ZNF462: variants seen among roughly 807,000 people sequenced by gnomAD.
ZNF462 encodes the protein zinc finger protein 462.
A neutral mutation model predicts 201.9 loss-of-function variants in ZNF462; 10 were observed. That is an observed-to-expected ratio of 0.05 (90% CI 0.03 to 0.08). The LOEUF (loss-of-function observed/expected upper bound fraction) is 0.08. ZNF462 is among the 10% of genes least tolerant of loss of function. ZNF462 has a pLI of 1.00. For synonymous variants in ZNF462, 1,227 were observed against 1,193.3 expected, an observed-to-expected ratio of 1.03 and a Z score of -0.58; for missense variants, 2,523 against 3,168.3, an observed-to-expected ratio of 0.80 and a Z score of 4.89.
At chr9:106,860,497 C>T (rs566547634), upstream of ZNF462, among the ~76,000 whole-genome samples, 1 of 152,184 alleles carries the variant, frequency 6.6e-6, no homozygotes, top group Admixed American at 6.5e-5. This position sits in a 1 kb window ranked among gnomAD's most constrained non-coding sequence, Gnocchi z 7.1. Context: ...TACGTCCCTG[C>T]CCCCAGGGAA....
chr9:106,958,949 G>A (rs1831705454), intron 7 of ZNF462, among the ~76,000 whole-genome samples: 1 of 152,108 alleles, frequency 6.6e-6, no homozygotes, highest in South Asian at 2.1e-4. Context: ...AGGTAATCTT[G>A]AAGAATATTG....
In ZNF462 at chr9:107,009,022, T is replaced by A. The variant is rs1385288149; in HGVS notation, c.7190-523T>A. Among the ~76,000 whole-genome samples the A allele has an allele frequency of 6.6e-6, 1 of 152,194 alleles. No individual in the cohort carries two copies. The highest frequency in any genetic ancestry group is 6.5e-5 in the Admixed American group (1 of 15,276). ...AAGGTATTGATTATAATGTCTATGA[T>A]GGATGACCACAAGTCATGAGCCTTC... On this transcript the variant is annotated intron_variant, in intron 11 of 12. Transcript: ENST00000277225. The surrounding 1 kb of genome is among the most constrained non-coding windows in gnomAD (Gnocchi z 6.1).
chr9:107,000,683 A>G (rs1261819945), intron 10 of ZNF462, among the ~76,000 whole-genome samples: 1 of 152,202 alleles, frequency 6.6e-6, no homozygotes, highest in Non-Finnish European at 1.5e-5. Flanking sequence ...TTAGCCTGGG[A>G]TGAACATCAT....
chr9:106,918,801 T>TG (rs1399497386), intron 1 of ZNF462, among the ~76,000 whole-genome samples: 1 of 152,214 alleles, frequency 6.6e-6, no homozygotes, highest in African/African-American at 2.4e-5. Flanking sequence ...TATTCCAGAA[T>TG]TTATGTATTC....
chr9:106,960,795 A>G (rs892218123), intron 7 of ZNF462, among the ~76,000 whole-genome samples: 1 of 152,154 alleles, frequency 6.6e-6, no homozygotes. Context: ...GTGGCAGAAA[A>G]AACAAACACA....
chr9:106,869,642 C>G (rs780855600), intron 1 of ZNF462, among the ~76,000 whole-genome samples: 16 of 152,196 alleles, frequency 1.1e-4, no homozygotes, highest in Non-Finnish European at 1.3e-4. Context: ...ACAGTTGAAC[C>G]TCAGTGTGGC....
intron 7 of ZNF462, among the ~76,000 whole-genome samples, chr9:106,948,412 TG>T (rs1347653944): frequency 6.6e-6 from 1 of 152,192 alleles, no homozygotes; most frequent in Non-Finnish European, 1.5e-5. Context: ...ACAAGGAATG[TG>T]CAATGAAATC....
At chr9:106,957,499 G>A (rs1373114880) in intron 7 of ZNF462, among the ~76,000 whole-genome samples, 1 of 152,100 alleles carries the variant, frequency 6.6e-6, no homozygotes, top group African/African-American at 2.4e-5. Flanking sequence ...TGGAAAAATG[G>A]TGTCAATAGA....
chr9:106,959,277 C>G (rs1487551940), intron 7 of ZNF462, among the ~76,000 whole-genome samples: 1 of 152,084 alleles, frequency 6.6e-6, no homozygotes, highest in East Asian at 1.9e-4. Context: ...AGCCTCCAAG[C>G]AGCTACTATG....
chr9:106,989,787 A>C (rs779581579), intron 10 of ZNF462, among the ~76,000 whole-genome samples: 1 of 152,076 alleles, frequency 6.6e-6, no homozygotes, highest in Non-Finnish European at 1.5e-5. Flanking sequence ...TTTTTCCAGG[A>C]ATTTATCCAT....
chr9:106,926,338 A>G lies in ZNF462; in HGVS notation c.2426A>G (p.Asp809Gly). The part of the protein sequence containing the change: ...DYYGSSTNLK[D>G]HQVSNTALLN... ...TATGGCTCCTCAACAAACTTGAAAGATCACCAAGTTTCCAATACTGCTCTG... is the reference window on the plus strand; with the variant it reads ...TATGGCTCCTCAACAAACTTGAAAGGTCACCAAGTTTCCAATACTGCTCTG... Residue 809 changes from aspartate (D) to glycine (G), a missense_variant, in exon 3 of 13, where the codon GAT (aspartate) becomes GGT (glycine). Physicochemically the swap from Asp to Gly is moderately conservative, Grantham distance 94. This residue lies in a region of ZNF462 where 383 missense variants were observed against 453.4 expected (regional missense o/e 0.84). Coordinates refer to ENST00000277225, the MANE Select transcript of ZNF462 (RefSeq NM_021224.6). This position sits in a 1 kb window ranked among gnomAD's most constrained non-coding sequence, Gnocchi z 7.9. 1 of 1,614,182 alleles carries G rather than the reference A, an allele frequency of 6.2e-7. No individual in the cohort carries two copies. Among genetic ancestry groups the G allele is most frequent in the Admixed American group, 1.7e-5 (1 of 60,030 alleles).
At position 106,895,004 on chromosome 9, in the gene ZNF462, G is replaced by A. The variant is rs890399327; in HGVS notation, c.-30-28350G>A. Among the ~76,000 whole-genome samples the A allele has an allele frequency of 6.6e-6, 1 of 152,104 alleles. No homozygotes were observed. Among genetic ancestry groups the A allele is most frequent in the Non-Finnish European group, 1.5e-5 (1 of 68,026 alleles). ...ATGATTTTTTAATCTGACGCTGCTGGTCTAGGTAATTTCCTTGCTCTCTAG... is the reference window on the plus strand; with the variant it reads ...ATGATTTTTTAATCTGACGCTGCTGATCTAGGTAATTTCCTTGCTCTCTAG... On this transcript the variant is annotated intron_variant, in intron 1 of 12. Coordinates refer to ENST00000277225, the MANE Select transcript of ZNF462 (RefSeq NM_021224.6). The surrounding 1 kb of genome is among the most constrained non-coding windows in gnomAD (Gnocchi z 4.4).
chr9:106,959,886 T>C (rs1048304091), intron 7 of ZNF462, among the ~76,000 whole-genome samples: 1 of 152,036 alleles, frequency 6.6e-6, no homozygotes, highest in Non-Finnish European at 1.5e-5. Flanking sequence ...GGGCAGCATT[T>C]CTGTGGGGTG....
Position 107,011,196 on chromosome 9 carries a change from T to A in ZNF462, c.*166T>A. The A allele has an allele frequency of 1.6e-6, 1 of 617,850 alleles. No individual in the cohort carries two copies. The highest frequency in any genetic ancestry group is 2.8e-6 in the Non-Finnish European group (1 of 356,252). The allele number at this position is 617,850 out of a possible 1,614,324, so 38.3% of individuals were successfully genotyped here. A position where few individuals can be genotyped will look rare whatever the true frequency, so the allele number is the denominator to read the frequency against. Reference sequence around the variant, plus strand: ...GCACTGGTACCTGTGTGAGTGAGTATGTAAATTAAAGTTATTTAAATGGTT... The same window carrying A: ...GCACTGGTACCTGTGTGAGTGAGTAAGTAAATTAAAGTTATTTAAATGGTT... On this transcript the variant is annotated 3_prime_UTR_variant, in exon 13 of 13. Coordinates refer to ENST00000277225, the MANE Select transcript of ZNF462 (RefSeq NM_021224.6). The surrounding 1 kb of genome is among the most constrained non-coding windows in gnomAD (Gnocchi z 5.6).
chr9:107,007,608 C>T (rs545602140), intron 11 of ZNF462, among the ~76,000 whole-genome samples: 1 of 152,320 alleles, frequency 6.6e-6, no homozygotes, highest in East Asian at 1.9e-4. Flanking sequence ...AGAGCAGCCT[C>T]CTTTGTCCCA....
Position 106,928,496 on chromosome 9 carries a change from C to T in ZNF462, c.4584C>T (p.His1528=), listed in dbSNP as rs137984961. ...RHCPYINTRI[H]GVLTHYQKRH... ...GCCCATACATCAACACCCGCATCCA[C>T]GGCGTACTGACCCACTACCAGAAGC... Residue 1528 remains histidine (H), a synonymous_variant, in exon 3 of 13, where the codon CAC becomes CAT. Coordinates refer to ENST00000277225, the MANE Select transcript of ZNF462 (RefSeq NM_021224.6). This position sits in a 1 kb window ranked among gnomAD's most constrained non-coding sequence, Gnocchi z 9.3. 28 of 1,613,982 alleles carry T rather than the reference C, an allele frequency of 1.7e-5. No individual in the cohort carries two copies. In the Admixed American group the frequency reaches 3.2e-4, roughly 18 times the overall value.
At chr9:106,964,694 C>T (rs957360723) in intron 7 of ZNF462, among the ~76,000 whole-genome samples, 2 of 152,004 alleles carry the variant, frequency 1.3e-5, no homozygotes, top group Non-Finnish European at 2.9e-5. Flanking sequence ...AGCAACTTGA[C>T]TTTATCAAGT....
At position 106,932,650 on chromosome 9, in the gene ZNF462, T is replaced by C; in HGVS notation, c.6116+101T>C. 2 of 1,470,552 alleles carry C rather than the reference T, an allele frequency of 1.4e-6. No individual in the cohort carries two copies. Among genetic ancestry groups the C allele is most frequent in the Non-Finnish European group, 1.9e-6 (2 of 1,071,022 alleles). The allele number at this position is 1,470,552 out of a possible 1,614,324, so 91.1% of individuals were successfully genotyped here. A position where few individuals can be genotyped will look rare whatever the true frequency, so the allele number is the denominator to read the frequency against. On this transcript the variant is annotated intron_variant, in intron 5 of 12. Transcript: ENST00000277225. The surrounding 1 kb of genome is among the most constrained non-coding windows in gnomAD (Gnocchi z 6.8). ...GCTTGGATGAGTAAGAAGGCCCCAC[T>C]CATGGTTCACACCTGCTGCTATGTT...
Position 106,981,184 on chromosome 9 carries a change from A to G in ZNF462, c.6833-3002A>G, listed in dbSNP as rs1827403830. ...GGCATTGTCTTAGTTTGGAAATGGGAAGTTCTAGATTTCAGATTTAAGTTC... is the reference window on the plus strand; with the variant it reads ...GGCATTGTCTTAGTTTGGAAATGGGGAGTTCTAGATTTCAGATTTAAGTTC... On this transcript the variant is annotated intron_variant, in intron 9 of 12. Transcript: ENST00000277225. The surrounding 1 kb of genome is among the most constrained non-coding windows in gnomAD (Gnocchi z 4.0). Among the ~76,000 whole-genome samples, 1 of 152,214 alleles carries G rather than the reference A, an allele frequency of 6.6e-6. No individual in the cohort carries two copies. Among genetic ancestry groups the G allele is most frequent in the Admixed American group, 6.5e-5 (1 of 15,286 alleles).
Sources: allele counts gnomAD v4.1 joint callset (sites outside exome capture counted in the v4.1 genomes callset), GRCh38; gene constraint gnomAD v4.1.1; regional missense constraint gnomAD v4.1.1; non-coding constraint Gnocchi (gnomAD v3.1); transcripts MANE v1.5; gene names NCBI Gene and HGNC (gene_info 2026-07-23, HGNC 2026-07-21).